The following SIAH3 variants were observed in gnomAD, a reference collection of about 807,000 sequenced individuals.
SIAH3 encodes seven in absentia homolog 3.
SIAH3 carries 9 observed loss-of-function variants against 12.6 expected under a neutral mutation model. The ratio of observed to expected loss-of-function variants is 0.72; its 90% CI spans 0.43 to 1.25. The LOEUF (loss-of-function observed/expected upper bound fraction) is 1.25. Among genes scored for constraint, SIAH3 ranks in the 50% most tolerant of loss-of-function variants. The pLI is 0.00. For synonymous variants in SIAH3, 154 were observed against 151.1 expected (o/e 1.02, Z -0.14); for missense variants, 390 against 365.4 (o/e 1.07, Z -0.55).
chr13:45,829,693 A>G (rs1008645911), intron 1 of SIAH3, among the ~76,000 whole-genome samples: 4 of 151,886 alleles, frequency 2.6e-5, no homozygotes, highest in Non-Finnish European at 4.4e-5. Context: ...CCCAGAGATA[A>G]CCCCTGTTCT....
At chr13:45,804,176 A>T (rs963022486) in intron 1 of SIAH3, among the ~76,000 whole-genome samples, 3 of 152,166 alleles carry the variant, frequency 2.0e-5, no homozygotes, top group Admixed American at 6.5e-5. Context: ...TTATATTTTT[A>T]AAAATAAAAG....
At chr13:45,846,873 C>A (rs17067286) in intron 1 of SIAH3, among the ~76,000 whole-genome samples, 1 of 152,198 alleles carries the variant, frequency 6.6e-6, no homozygotes, top group Non-Finnish European at 1.5e-5. Context: ...TGGGCCTCCC[C>A]GTTATGTGAC....
intron 1 of SIAH3, among the ~76,000 whole-genome samples, chr13:45,798,566 T>C (rs991520870): frequency 3.3e-5 from 5 of 152,232 alleles, no homozygotes; most frequent in African/African-American, 1.2e-4. Flanking sequence ...GGAGGTAATT[T>C]AGATGACCAA....
chr13:45,795,942 CAT>C (rs61044006), intron 1 of SIAH3, among the ~76,000 whole-genome samples: 78,829 of 151,756 alleles, frequency 0.52, 21,615 homozygotes, highest in African/African-American at 0.64. Context: ...ATCTCAAAAA[CAT>C]GTTGAATTTT....
chr13:45,791,373 TTGAA>T (rs1340542957), intron 1 of SIAH3, among the ~76,000 whole-genome samples: 1 of 152,128 alleles, frequency 6.6e-6, no homozygotes, highest in South Asian at 2.1e-4. Context: ...TATATGCTGC[TTGAA>T]TGAATGAATG....
At chr13:45,831,426 C>G (rs1950698939) in intron 1 of SIAH3, among the ~76,000 whole-genome samples, 2 of 152,156 alleles carry the variant, frequency 1.3e-5, no homozygotes, top group South Asian at 4.2e-4. Context: ...TGTAGACATA[C>G]AACTCTGGCA....
intron 1 of SIAH3, among the ~76,000 whole-genome samples, chr13:45,848,111 G>A (rs1950766843): frequency 6.6e-6 from 1 of 152,186 alleles, no homozygotes; most frequent in Admixed American, 6.5e-5. Context: ...AGGACCAGGA[G>A]CAGGCGCCCT....
intron 1 of SIAH3, among the ~76,000 whole-genome samples, chr13:45,797,718 G>A (rs573462436): frequency 3.3e-4 from 50 of 152,306 alleles, no homozygotes; most frequent in African/African-American, 1.2e-3. Flanking sequence ...CAGAGCTGCT[G>A]GGTCACAGAC....
intron 1 of SIAH3, among the ~76,000 whole-genome samples, chr13:45,824,299 G>A (rs1049240693): frequency 6.6e-6 from 1 of 152,216 alleles, no homozygotes. Context: ...AAGAGTGTCA[G>A]TAATGTTAGC....
At chr13:45,813,687 C>T (rs913436146) in intron 1 of SIAH3, among the ~76,000 whole-genome samples, 5 of 152,140 alleles carry the variant, frequency 3.3e-5, no homozygotes, top group Non-Finnish European at 5.9e-5. Flanking sequence ...AACATCAAGG[C>T]CCTGGGAGGT....
At chr13:45,789,400 C>T (rs55799543) in intron 1 of SIAH3, among the ~76,000 whole-genome samples, 22 of 40,968 alleles carry the variant, frequency 5.4e-4, no homozygotes, top group African/African-American at 1.4e-3. Context: ...ATCTATCTAT[C>T]TATCTATCTA....
At chr13:45,798,166 G>A (rs1950569531) in intron 1 of SIAH3, among the ~76,000 whole-genome samples, 2 of 152,172 alleles carry the variant, frequency 1.3e-5, no homozygotes, top group South Asian at 4.1e-4. Context: ...ATGGCTACTC[G>A]TAATTCCTTA....
At chr13:45,811,931 T>C (rs1019447116) in intron 1 of SIAH3, among the ~76,000 whole-genome samples, 19 of 152,316 alleles carry the variant, frequency 1.2e-4, no homozygotes, top group Admixed American at 7.2e-4. Flanking sequence ...GGTTTAGTTA[T>C]GAGAAGGGTT....
chr13:45,783,492 C>T lies in SIAH3; in HGVS notation c.701G>A (p.Cys234Tyr). ...TGCCAGCGAGGTGTTGAGGACGAGG[C>T]AGTCCCCGTCCGTAATCACCGAGTC... Reference protein sequence around the residue: ...CVDSVITDGDCLVLNTSLAQL... With the variant: ...CVDSVITDGDYLVLNTSLAQL... The change falls in exon 2 of 2, where the codon TGC becomes TAC. Residue 234 changes from cysteine (C) to tyrosine (Y), a missense_variant. Transcript: ENST00000400405. The T allele has an allele frequency of 6.2e-7, 1 of 1,614,152 alleles. No homozygotes were observed. Among genetic ancestry groups the T allele is most frequent in the Non-Finnish European group, 8.5e-7 (1 of 1,180,038 alleles).
chr13:45,829,196 T>G (rs987299551), intron 1 of SIAH3, among the ~76,000 whole-genome samples: 5 of 152,110 alleles, frequency 3.3e-5, no homozygotes, highest in Non-Finnish European at 7.3e-5. Context: ...CTAGCAAAAG[T>G]CAGCAAGCTG....
chr13:45,803,538 G>A (rs1950589468), intron 1 of SIAH3, among the ~76,000 whole-genome samples: 1 of 152,202 alleles, frequency 6.6e-6, no homozygotes, highest in Non-Finnish European at 1.5e-5. Context: ...GCTGGGCCTT[G>A]AAGGATGAAT....
chr13:45,800,231 GT>G (rs911999258), intron 1 of SIAH3, among the ~76,000 whole-genome samples: 4 of 151,818 alleles, frequency 2.6e-5, no homozygotes, highest in Admixed American at 6.6e-5. Context: ...CTTGTAAACT[GT>G]TTTTTTTCTA....
intron 1 of SIAH3, 80 bp from the exon 2 acceptor site, chr13:45,784,137 T>A: frequency 7.6e-7 from 1 of 1,315,576 alleles, no homozygotes; most frequent in Non-Finnish European, 1.1e-6. Flanking sequence ...TTCAAAGTGT[T>A]AAAAAGCAGA....
rs141726104 is a variant in SIAH3 at position 45,807,142 on chromosome 13, G to A, written c.136-23085C>T. Among the ~76,000 whole-genome samples, 801 of 152,062 alleles carry A rather than the reference G, an allele frequency of 5.3e-3. 7 individuals carry two copies. The highest frequency in any genetic ancestry group is 0.018 in the African/African-American group (747 of 41,486). On this transcript the variant is annotated intron_variant, in intron 1 of 1. Transcript: ENST00000400405. ...CAGTCACAGGCTATAAGAAAAAAAC[G>A]TAAAATGCTACAGAAGAACTCTAAG...
Sources: allele counts gnomAD v4.1 joint callset (sites outside exome capture counted in the v4.1 genomes callset), GRCh38; gene constraint gnomAD v4.1.1; transcripts MANE v1.5; gene names NCBI Gene and HGNC (gene_info 2026-07-23, HGNC 2026-07-21).